UNC13C: variants seen among roughly 807,000 people sequenced by gnomAD.
UNC13C encodes unc-13 homolog C.
Under a neutral mutation model 245.4 loss-of-function variants are expected in UNC13C, and 174 were observed. The ratio of observed to expected loss-of-function variants is 0.71; its 90% CI spans 0.63 to 0.80. The LOEUF is 0.80. Ranked by LOEUF, UNC13C falls within the 30% of genes least tolerant of loss-of-function variation. The pLI, the probability that UNC13C is intolerant of heterozygous loss-of-function variation, is 0.00. For missense variants in UNC13C, 2,829 were observed against 2,602.9 expected, an observed-to-expected ratio of 1.09 and a Z score of -1.89; for synonymous variants, 992 against 895.1, an observed-to-expected ratio of 1.11 and a Z score of -1.93.
At chr15:54,240,823 C>T (rs2035832120) in intron 7 of UNC13C, among the ~76,000 whole-genome samples, 1 of 152,216 alleles carries the variant, frequency 6.6e-6, no homozygotes, top group Non-Finnish European at 1.5e-5. Context: ...CTCCGCTATC[C>T]ATCTCTGTTT....
chr15:54,546,727 G>C lies in UNC13C; in HGVS notation c.5702G>C (p.Ser1901Thr). The C allele has an allele frequency of 6.7e-7, 1 of 1,491,030 alleles. No homozygotes were observed. The highest frequency in any genetic ancestry group is 1.4e-5 in the South Asian group (1 of 72,494). The allele number at this position is 1,491,030 out of a possible 1,614,324, so 92.4% of individuals were successfully genotyped here. A position where few individuals can be genotyped will look rare whatever the true frequency, so the allele number is the denominator to read the frequency against. Residue 1901 changes from serine (S) to threonine (T), a missense_variant, in exon 27 of 33, where the codon AGT becomes ACT. Coordinates refer to ENST00000260323, the MANE Select transcript of UNC13C (RefSeq NM_001080534.3). The stretch of plus-strand genomic sequence containing the variant: ...TATATATATTTTTTTTTCAGATTAA[G>C]TCTCTCAGCAAAAATCTGTGAGAAA... ...SLMDFLDKTL[S>T]LSAKICEKTV...
At chr15:54,065,057 A>T (rs1269002017) in intron 2 of UNC13C, among the ~76,000 whole-genome samples, 4 of 152,238 alleles carry the variant, frequency 2.6e-5, no homozygotes, top group African/African-American at 9.6e-5. Context: ...CAATATCTAG[A>T]TCTCCAAATT....
At chr15:53,887,133 T>C in the UNC13C span, among the ~76,000 whole-genome samples, 2 of 152,184 alleles carry the variant, frequency 1.3e-5, no homozygotes, top group African/African-American at 4.8e-5. Flanking sequence ...TCATTAATTA[T>C]AACAAATGTG....
intron 1 of UNC13C, among the ~76,000 whole-genome samples, chr15:53,985,947 C>T (rs533764574): frequency 2.7e-4 from 41 of 152,144 alleles, no homozygotes; most frequent in African/African-American, 9.4e-4. Context: ...CCCTCCTGAG[C>T]ACATCGAATG....
intron 24 of UNC13C, among the ~76,000 whole-genome samples, chr15:54,519,632 A>G (rs1895132147): frequency 6.6e-6 from 1 of 152,228 alleles, no homozygotes; most frequent in African/African-American, 2.4e-5. Flanking sequence ...AGAAAATGCC[A>G]TAGTCTGTCT....
chr15:54,386,285 A>G (rs888319484), intron 17 of UNC13C, among the ~76,000 whole-genome samples: 4 of 152,200 alleles, frequency 2.6e-5, no homozygotes, highest in African/African-American at 7.2e-5. Context: ...TAAATGAAGA[A>G]CATCCAAGTG....
intron 18 of UNC13C, among the ~76,000 whole-genome samples, chr15:54,398,291 G>A (rs1455508196): frequency 1.3e-5 from 2 of 151,176 alleles, no homozygotes; most frequent in Non-Finnish European, 3.0e-5. Flanking sequence ...TTGCATTCCT[G>A]GAACAATCTC....
At chr15:54,508,642 C>G (rs963919832) in intron 23 of UNC13C, among the ~76,000 whole-genome samples, 2 of 152,010 alleles carry the variant, frequency 1.3e-5, no homozygotes, top group East Asian at 3.9e-4. Context: ...GCTTAAATGC[C>G]AAGTATCATT....
intron 31 of UNC13C, among the ~76,000 whole-genome samples, chr15:54,623,457 A>T (rs948549033): frequency 6.6e-6 from 1 of 152,222 alleles, no homozygotes; most frequent in Non-Finnish European, 1.5e-5. Flanking sequence ...GTAAATTTAT[A>T]GATTTTATCT....
At chr15:54,422,287 G>C (rs1159499430) in intron 19 of UNC13C, among the ~76,000 whole-genome samples, 3 of 151,888 alleles carry the variant, frequency 2.0e-5, no homozygotes, top group Non-Finnish European at 4.4e-5. Flanking sequence ...CCTCCAACTA[G>C]TTCTAGCCAC....
At chr15:54,613,378 G>A (rs1017667616) in intron 30 of UNC13C, among the ~76,000 whole-genome samples, 2 of 151,700 alleles carry the variant, frequency 1.3e-5, no homozygotes, top group African/African-American at 2.4e-5. Context: ...ATATTAATAG[G>A]AGAATGCATG....
At chr15:54,369,824 G>A (rs887559882) in intron 17 of UNC13C, among the ~76,000 whole-genome samples, 1 of 152,040 alleles carries the variant, frequency 6.6e-6, no homozygotes, top group African/African-American at 2.4e-5. Context: ...AGGGTATGTG[G>A]GCCTGTCTGT....
At chr15:54,471,567 C>G (rs932130346) in intron 19 of UNC13C, among the ~76,000 whole-genome samples, 1 of 151,554 alleles carries the variant, frequency 6.6e-6, no homozygotes, top group African/African-American at 2.4e-5. Context: ...CCTTCACTTT[C>G]AGTCTATGAC....
intron 8 of UNC13C, among the ~76,000 whole-genome samples, chr15:54,255,652 G>A (rs988175496): frequency 1.3e-4 from 18 of 142,614 alleles, no homozygotes; most frequent in African/African-American, 4.7e-4. Flanking sequence ...TATAGGCACA[G>A]GATGGGGGCG....
the UNC13C span, among the ~76,000 whole-genome samples, chr15:53,924,873 T>C: frequency 1.3e-5 from 2 of 152,216 alleles, no homozygotes; most frequent in Non-Finnish European, 2.9e-5. Flanking sequence ...CAAAAATTAA[T>C]GTTTTCCCTT....
the UNC13C span, among the ~76,000 whole-genome samples, chr15:53,932,464 A>G: frequency 2.0e-5 from 3 of 152,206 alleles, no homozygotes; most frequent in Non-Finnish European, 2.9e-5. Context: ...AATTAATGCA[A>G]TTTGTCTAAC....
chr15:54,289,410 C>T lies in UNC13C; in HGVS notation c.3819-4485C>T, dbSNP rs566839842. ...GATTTGACCAGCTGTTTTGCAATTG[C>T]GTATCAAAATGTATCGGCTTTCTAG... On this transcript the variant is annotated intron_variant, in intron 10 of 32. Coordinates refer to ENST00000260323, the MANE Select transcript of UNC13C (RefSeq NM_001080534.3). Among the ~76,000 whole-genome samples, 35 of 152,132 alleles carry T rather than the reference C, an allele frequency of 2.3e-4. 1 individual carries two copies. Among genetic ancestry groups the T allele is most frequent in the Admixed American group, 1.7e-3 (26 of 15,258 alleles).
At chr15:53,845,380 A>T in the UNC13C span, among the ~76,000 whole-genome samples, 1 of 152,066 alleles carries the variant, frequency 6.6e-6, no homozygotes, top group African/African-American at 2.4e-5. Context: ...TAGAAAACTG[A>T]AATAGAGAAG....
intron 17 of UNC13C, among the ~76,000 whole-genome samples, chr15:54,345,245 T>G (rs906732545): frequency 2.6e-5 from 4 of 152,198 alleles, no homozygotes; most frequent in African/African-American, 9.7e-5. Flanking sequence ...AAGCATTTGT[T>G]TAATGAACTG....
Sources: gnomAD v4.1 joint callset for allele counts (sites outside exome capture counted in the v4.1 genomes callset) on GRCh38, gnomAD v4.1.1 for gene constraint, MANE v1.5 for transcripts, NCBI Gene and HGNC (gene_info 2026-07-23, HGNC 2026-07-21) for gene names.